Variants in RBFOX1 observed in about 807,000 individuals in gnomAD.
RBFOX1 encodes RNA binding protein fox-1 homolog 1.
Under a neutral mutation model 57.7 loss-of-function variants are expected in RBFOX1, and 8 were observed. The ratio of observed to expected loss-of-function variants is 0.14; its 90% CI spans 0.08 to 0.25. RBFOX1 has a LOEUF of 0.25. RBFOX1 is among the 10% of genes least tolerant of loss of function. The pLI is 1.00. For synonymous variants in RBFOX1, 326 were observed against 222.4 expected (o/e 1.47, Z -4.15); for missense variants, 611 against 548.5 (o/e 1.11, Z -1.14).
At chr16:7,180,179 A>G (rs566415750) in intron 4 of RBFOX1, among the ~76,000 whole-genome samples, 2 of 152,286 alleles carry the variant, frequency 1.3e-5, no homozygotes, top group Non-Finnish European at 2.9e-5. Flanking sequence ...TAATATAATA[A>G]TATCCAAAGA....
At chr16:7,707,537 A>C (rs774345685) in intron 14 of RBFOX1, among the ~76,000 whole-genome samples, 1 of 152,148 alleles carries the variant, frequency 6.6e-6, no homozygotes, top group East Asian at 1.9e-4. Context: ...AAGAATCAAA[A>C]AACGATGTCG....
chr16:7,548,759 C>A (rs572568498), intron 5 of RBFOX1, among the ~76,000 whole-genome samples: 1 of 152,296 alleles, frequency 6.6e-6, no homozygotes, highest in South Asian at 2.1e-4. Flanking sequence ...CCACTTGAGG[C>A]CGCCATGTTT....
chr16:7,486,306 T>A (rs1340537501), intron 4 of RBFOX1, among the ~76,000 whole-genome samples: 2 of 151,442 alleles, frequency 1.3e-5, no homozygotes. Context: ...TCATTTTTGT[T>A]TTTTTTGGTA....
At chr16:6,557,150 C>T (rs112763027) in intron 2 of RBFOX1, among the ~76,000 whole-genome samples, 11,786 of 144,536 alleles carry the variant, frequency 0.082, 1,204 homozygotes, top group African/African-American at 0.24. Context: ...CATATATACA[C>T]ACATATATAT....
At chr16:6,002,192 G>T (rs1263936395) in intron 4 of RBFOX1, among the ~76,000 whole-genome samples, 1 of 152,046 alleles carries the variant, frequency 6.6e-6, no homozygotes, top group Admixed American at 6.5e-5. Context: ...GCCCAGGCTG[G>T]TCTCAAATTC....
intron 2 of RBFOX1, among the ~76,000 whole-genome samples, chr16:6,454,568 A>G (rs188187427): frequency 6.6e-6 from 1 of 152,312 alleles, no homozygotes; most frequent in East Asian, 1.9e-4. Context: ...AAAAACAAGG[A>G]AACAAAAAAT....
chr16:7,039,344 G>C (rs1036832999), intron 3 of RBFOX1, among the ~76,000 whole-genome samples: 1 of 152,112 alleles, frequency 6.6e-6, no homozygotes, highest in African/African-American at 2.4e-5. Context: ...AACCAGACAA[G>C]ATTTTTACAG....
chr16:7,267,217 G>A (rs1228799390), intron 4 of RBFOX1, among the ~76,000 whole-genome samples: 1 of 152,068 alleles, frequency 6.6e-6, no homozygotes, highest in African/African-American at 2.4e-5. Flanking sequence ...TGGCCAACAT[G>A]GCAAAACCCT....
chr16:7,203,297 C>G (rs542950493), intron 4 of RBFOX1, among the ~76,000 whole-genome samples: 2 of 152,168 alleles, frequency 1.3e-5, no homozygotes, highest in Non-Finnish European at 2.9e-5. Flanking sequence ...CACAAAAACA[C>G]ACGCACTGTA....
intron 5 of RBFOX1, among the ~76,000 whole-genome samples, chr16:7,569,205 A>ATACACC (rs1250461106): frequency 6.6e-6 from 1 of 152,196 alleles, no homozygotes; most frequent in East Asian, 1.9e-4. Flanking sequence ...TCAGATGACC[A>ATACACC]TACACCTAGT....
At position 7,140,161 on chromosome 16, in the gene RBFOX1, T is replaced by C. The variant is rs865877467; in HGVS notation, c.27+88063T>C. Among the ~76,000 whole-genome samples the C allele has an allele frequency of 1.2e-3, 123 of 104,234 alleles. 2 individuals are homozygous for C. Among genetic ancestry groups the C allele is most frequent in the African/African-American group, 4.8e-3 (115 of 24,136 alleles). The allele number at this position is 104,234 out of a possible 152,430, so 68.4% of individuals were successfully genotyped here. On this transcript the variant is annotated intron_variant, in intron 4 of 15. Transcript: ENST00000550418. ...CTCTTATTCTCTCCTTCTCTCCCTC[T>C]CTCTCTCTCTCTCTCTCTCTCTCTC...
At chr16:7,677,484 A>C (rs2073689121) in intron 14 of RBFOX1, among the ~76,000 whole-genome samples, 1 of 152,150 alleles carries the variant, frequency 6.6e-6, no homozygotes. Flanking sequence ...GTGTTTGAGG[A>C]ATGCAGAAGT....
intron 2 of RBFOX1, among the ~76,000 whole-genome samples, chr16:5,531,065 C>T (rs2044458603): frequency 1.3e-5 from 2 of 151,094 alleles, no homozygotes; most frequent in Admixed American, 6.6e-5. Flanking sequence ...GTGGAGCTTG[C>T]AGTAAGCCGA....
intron 4 of RBFOX1, among the ~76,000 whole-genome samples, chr16:7,479,052 A>G (rs1184587084): frequency 6.6e-6 from 1 of 152,066 alleles, no homozygotes; most frequent in African/African-American, 2.4e-5. Context: ...ACAAACAGGA[A>G]AGTGGAGTCA....
chr16:6,789,581 G>T (rs142011363), intron 3 of RBFOX1, among the ~76,000 whole-genome samples: 5 of 152,290 alleles, frequency 3.3e-5, no homozygotes, highest in African/African-American at 1.2e-4. Flanking sequence ...TCCATAGACA[G>T]TGGGGACTGT....
At chr16:7,058,032 C>T (rs375172492) in intron 4 of RBFOX1, among the ~76,000 whole-genome samples, 72 of 139,548 alleles carry the variant, frequency 5.2e-4, no homozygotes, top group African/African-American at 1.8e-3. Context: ...ACACGAAAAC[C>T]ACCAGATATA....
At position 5,257,178 on chromosome 16, in the gene RBFOX1, CAA is replaced by C. The variant is rs71404514; in HGVS notation, c.219+17081_219+17082del. ...GAAACAAACAAACAAACAGAAAACTCAAAAAAAAACAGCCCTGACCTAAATAT... is the reference window on the plus strand; with the variant it reads ...GAAACAAACAAACAAACAGAAAACTCAAAAAAACAGCCCTGACCTAAATAT... On this transcript the variant is annotated intron_variant, in intron 1 of 2. Coordinates refer to the RBFOX1 transcript ENST00000585867. Among the ~76,000 whole-genome samples, 184 of 150,476 alleles carry C rather than the reference CAA, an allele frequency of 1.2e-3. 1 individual carries two copies. Among genetic ancestry groups the C allele is most frequent in the African/African-American group, 4.3e-3 (176 of 41,016 alleles).
chr16:6,650,095 T>C (rs2098570863), intron 2 of RBFOX1, among the ~76,000 whole-genome samples: 1 of 152,150 alleles, frequency 6.6e-6, no homozygotes, highest in African/African-American at 2.4e-5. Flanking sequence ...AGTAGTCGGA[T>C]TGCTGGATCA....
intron 3 of RBFOX1, among the ~76,000 whole-genome samples, chr16:5,690,676 G>A (rs1325255094): frequency 3.3e-5 from 5 of 152,142 alleles, no homozygotes; most frequent in Non-Finnish European, 7.4e-5. Flanking sequence ...GTACATGACT[G>A]ACATTAAATG....
Sources: gnomAD v4.1 joint callset for allele counts (sites outside exome capture counted in the v4.1 genomes callset) on GRCh38, gnomAD v4.1.1 for gene constraint, MANE v1.5 for transcripts, NCBI Gene and HGNC (gene_info 2026-07-23, HGNC 2026-07-21) for gene names.